CCDC13: variants seen among roughly 807,000 people sequenced by gnomAD.
The protein encoded by CCDC13 is coiled-coil domain containing 13.
A neutral mutation model predicts 87.3 loss-of-function variants in CCDC13; 70 were observed. The observed-to-expected ratio is 0.80, with a 90% confidence interval of 0.66 to 0.98. The LOEUF is 0.98. CCDC13 is among the 50% of genes least tolerant of loss of function. The pLI, the probability that CCDC13 is intolerant of heterozygous loss-of-function variation, is 0.00. For synonymous variants in CCDC13, 317 were observed against 360.3 expected, an observed-to-expected ratio of 0.88 and a Z score of 1.36; for missense variants, 842 against 892.0, an observed-to-expected ratio of 0.94 and a Z score of 0.71.
chr3:42,742,877 C>G lies in CCDC13; in HGVS notation c.987+19G>C. 1.2e-6 allele frequency: 2 copies of G among 1,613,322 alleles called. No homozygotes were observed. The highest frequency in any genetic ancestry group is 2.2e-5 in the South Asian group (2 of 90,980). ...TCTCGTTCCCACATGCCCAGCTGAC[C>G]TCCTCAGGCACGCGTTACCTCCAAG... On this transcript the variant is annotated intron_variant, in intron 8 of 15. Coordinates refer to ENST00000310232, the MANE Select transcript of CCDC13 (RefSeq NM_144719.4).
intron 1 of CCDC13, among the ~76,000 whole-genome samples, chr3:42,769,648 G>A (rs1294752923): frequency 6.6e-6 from 1 of 152,276 alleles, no homozygotes; most frequent in Non-Finnish European, 1.5e-5. Flanking sequence ...GCTGCACTGT[G>A]GGAGACCCTC....
chr3:42,714,066 C>A (rs923860056), intron 13 of CCDC13: 1 of 152,270 alleles, frequency 6.6e-6, no homozygotes, highest in Non-Finnish European at 1.5e-5. Flanking sequence ...CTTCTAGGAG[C>A]CACCTTGCCC....
chr3:42,742,844 T>C, intron 8 of CCDC13, 52 bp downstream of exon 8: 1 of 1,603,962 alleles, frequency 6.2e-7, no homozygotes, highest in Non-Finnish European at 8.5e-7. Flanking sequence ...GCAGGCACCA[T>C]CATGATCTCT....
chr3:42,751,874 G>A (rs1699588399), intron 5 of CCDC13, 62 bp downstream of exon 5: 3 of 1,463,130 alleles, frequency 2.1e-6, no homozygotes, highest in Middle Eastern at 3.5e-4. Flanking sequence ...CACCTGTGGA[G>A]GAGGGGAGGC....
Position 42,743,011 on chromosome 3 carries a change from G to A in CCDC13, c.872C>T (p.Ala291Val), listed in dbSNP as rs752087703. The A allele has an allele frequency of 1.2e-5, 19 of 1,613,966 alleles. No individual in the cohort carries two copies. The highest frequency in any genetic ancestry group is 6.7e-5 in the East Asian group (3 of 44,890). Residue 291 changes from alanine to valine, a missense_variant, in exon 8 of 16, where the codon GCG (alanine) becomes GTG (valine). Transcript: ENST00000310232. ...KQLGQARSQSAGTASDELSVY... is the reference protein window; with the variant it reads ...KQLGQARSQSVGTASDELSVY... ...AGACAACTCATCACTGGCTGTTCCCGCAGACTGGCTCCGGGCCTGGCCCAA... is the reference window on the plus strand; with the variant it reads ...AGACAACTCATCACTGGCTGTTCCCACAGACTGGCTCCGGGCCTGGCCCAA...
intron 3 of CCDC13, among the ~76,000 whole-genome samples, chr3:42,755,862 TG>T (rs1699693078): frequency 6.6e-6 from 1 of 152,174 alleles, no homozygotes. Flanking sequence ...TGGGTGGAGA[TG>T]TATCTCCTGC....
intron 13 of CCDC13, 51 bp from the exon 14 acceptor site, chr3:42,713,367 GC>G (rs2125869154): frequency 6.3e-7 from 1 of 1,596,094 alleles, no homozygotes; most frequent in East Asian, 2.2e-5. Context: ...GCAGGGGCAG[GC>G]CCTACCCCAC....
rs531404093 is a variant in CCDC13, at chr3:42,750,141, C to A, written c.603+1795G>T. Among the ~76,000 whole-genome samples, 10 of 152,356 alleles carry A rather than the reference C, an allele frequency of 6.6e-5. No homozygotes were observed. In the East Asian group the frequency reaches 1.5e-3, roughly 24 times the overall value. ...TCCTGCTCCAGCTGCCATTCAAGGGCTCCCTCTATGGGTGACTTCACCCCA... is the reference window on the plus strand; with the variant it reads ...TCCTGCTCCAGCTGCCATTCAAGGGATCCCTCTATGGGTGACTTCACCCCA... On this transcript the variant is annotated intron_variant, in intron 5 of 15. Coordinates refer to ENST00000310232, the MANE Select transcript of CCDC13 (RefSeq NM_144719.4).
chr3:42,771,652 G>A (rs939528698), intron 1 of CCDC13, among the ~76,000 whole-genome samples: 4 of 152,130 alleles, frequency 2.6e-5, no homozygotes, highest in African/African-American at 9.7e-5. Context: ...TTACTCAGGA[G>A]GCTGAGGTGG....
At chr3:42,759,223 C>T (rs921678849) in intron 1 of CCDC13, among the ~76,000 whole-genome samples, 1 of 151,582 alleles carries the variant, frequency 6.6e-6, no homozygotes, top group Non-Finnish European at 1.5e-5. Context: ...GTGGCAAGAT[C>T]GCTTGAGCCC....
chr3:42,742,689 A>G (rs1253392379), intron 8 of CCDC13, among the ~76,000 whole-genome samples: 1 of 152,166 alleles, frequency 6.6e-6, no homozygotes, highest in Non-Finnish European at 1.5e-5. Context: ...AGTTCATTAA[A>G]TGGGCTCACA....
At position 42,751,965 on chromosome 3, in the gene CCDC13, G is replaced by A. The variant is rs759652905; in HGVS notation, c.574C>T (p.Pro192Ser). 6.2e-7 allele frequency: 1 copy of A among 1,611,782 alleles called. No homozygotes were observed. Among genetic ancestry groups the A allele is most frequent in the Non-Finnish European group, 8.5e-7 (1 of 1,180,030 alleles). The change falls in exon 5 of 16, where the codon CCG becomes TCG. Residue 192 changes from proline to serine, a missense_variant. Physicochemically the swap from Pro to Ser is moderately conservative, Grantham distance 74. Transcript: ENST00000310232. The part of the protein sequence containing the change: ...KGATDAGAKP[P>S]RAQMGDRALL... ...GCTCTGTCTCCCATCTGGGCCCTCGGTGGCTTGGCTCCTGCGTCGGTGGCC... is the reference window on the plus strand; with the variant it reads ...GCTCTGTCTCCCATCTGGGCCCTCGATGGCTTGGCTCCTGCGTCGGTGGCC...
intron 13 of CCDC13, among the ~76,000 whole-genome samples, chr3:42,720,988 A>C (rs1053796671): frequency 6.6e-6 from 1 of 152,216 alleles, no homozygotes; most frequent in Non-Finnish European, 1.5e-5. Flanking sequence ...TCAATAACGC[A>C]CTAATGCTAC....
intron 1 of CCDC13, chr3:42,771,104 A>G (rs1177621326): frequency 6.6e-6 from 1 of 152,228 alleles, no homozygotes; most frequent in African/African-American, 2.4e-5. Context: ...GTACACTCAT[A>G]CCGGTGAATA....
chr3:42,713,023 G>T, intron 14 of CCDC13, 139 bp downstream of exon 14: 3 of 941,582 alleles, frequency 3.2e-6, no homozygotes, highest in Non-Finnish European at 4.7e-6. Context: ...CACAGTGGAG[G>T]CAGGCAGAGC....
chr3:42,743,019 G>T lies in CCDC13; in HGVS notation c.864C>A (p.Ser288Arg), dbSNP rs1355859257. The T allele has an allele frequency of 6.2e-7, 1 of 1,614,138 alleles. No individual in the cohort carries two copies. Among genetic ancestry groups the T allele is most frequent in the Non-Finnish European group, 8.5e-7 (1 of 1,180,018 alleles). The stretch of plus-strand genomic sequence containing the variant: ...CATCACTGGCTGTTCCCGCAGACTG[G>T]CTCCGGGCCTGGCCCAATTGCTTCT... Reference protein sequence around the residue: ...ELEKQLGQARSQSAGTASDEL... With the variant: ...ELEKQLGQARRQSAGTASDEL... The change falls in exon 8 of 16, where the codon AGC (serine) becomes AGA (arginine). Residue 288 changes from serine to arginine, a missense_variant. By Grantham distance (110) the Ser-to-Arg change is moderately radical. Transcript: ENST00000310232.
chr3:42,772,447 A>C (rs574961392), intron 1 of CCDC13, among the ~76,000 whole-genome samples: 84 of 152,144 alleles, frequency 5.5e-4, no homozygotes, highest in African/African-American at 2.0e-3. Flanking sequence ...GGTGACAGGG[A>C]CCAGTGAGGA....
At chr3:42,727,244 C>A (rs1279582434) in intron 13 of CCDC13, among the ~76,000 whole-genome samples, 1 of 151,940 alleles carries the variant, frequency 6.6e-6, no homozygotes, top group African/African-American at 2.4e-5. Flanking sequence ...TAGTGGCTCA[C>A]ACCTGTAGTC....
intron 13 of CCDC13, 41 bp downstream of exon 13, chr3:42,730,426 A>T: frequency 6.3e-7 from 1 of 1,598,944 alleles, no homozygotes; most frequent in Non-Finnish European, 8.6e-7. Flanking sequence ...TCCCCACCAC[A>T]TGCAGGCCTA....
Sources: allele counts gnomAD v4.1 joint callset (sites outside exome capture counted in the v4.1 genomes callset), GRCh38; gene constraint gnomAD v4.1.1; transcripts MANE v1.5; gene names NCBI Gene and HGNC (gene_info 2026-07-23, HGNC 2026-07-21).